The following TNNI3K variants were observed in gnomAD, a reference collection of about 807,000 sequenced individuals.
The protein encoded by TNNI3K is serine/threonine-protein kinase TNNI3K.
TNNI3K carries 140 observed loss-of-function variants against 114.5 expected under a neutral mutation model. That is an observed-to-expected ratio of 1.22 (90% CI 1.07 to 1.41). The LOEUF (loss-of-function observed/expected upper bound fraction) is 1.41, where lower values mean the gene tolerates loss of function less well. Among genes scored for constraint, TNNI3K ranks in the 40% most tolerant of loss-of-function variants. The pLI is 0.00. For synonymous variants in TNNI3K, 347 were observed against 347.5 expected (o/e 1.00, Z 0.02); for missense variants, 1,125 against 1,007.6 (o/e 1.12, Z -1.58).
intron 17 of TNNI3K, among the ~76,000 whole-genome samples, chr1:74,388,443 A>G (rs1170760197): frequency 6.6e-6 from 1 of 152,240 alleles, no homozygotes; most frequent in Non-Finnish European, 1.5e-5. Flanking sequence ...GACAATTCAA[A>G]GAAAGTAATA....
intron 17 of TNNI3K, among the ~76,000 whole-genome samples, chr1:74,407,081 T>C (rs1180928240): frequency 6.6e-6 from 1 of 152,212 alleles, no homozygotes; most frequent in Non-Finnish European, 1.5e-5. Context: ...GATTAACATG[T>C]ATATTTGAAG....
intron 5 of TNNI3K, among the ~76,000 whole-genome samples, chr1:74,284,441 G>T (rs1657203043): frequency 6.6e-6 from 1 of 152,102 alleles, no homozygotes; most frequent in South Asian, 2.1e-4. Flanking sequence ...CTTATCACTT[G>T]TTCATGTACA....
At chr1:74,266,442 A>G (rs2100882650) in intron 4 of TNNI3K, among the ~76,000 whole-genome samples, 1 of 152,108 alleles carries the variant, frequency 6.6e-6, no homozygotes, top group East Asian at 1.9e-4. Flanking sequence ...CTTAGAAAAG[A>G]AACACTCTGC....
chr1:74,398,290 G>C lies in TNNI3K; in HGVS notation c.1772+27898G>C, dbSNP rs140628601. ...TGAGGATGGGAGGTGGATGCTCCTTGATGGAAGAGAAGTAAGCAAACCCAT... is the reference window on the plus strand; with the variant it reads ...TGAGGATGGGAGGTGGATGCTCCTTCATGGAAGAGAAGTAAGCAAACCCAT... On this transcript the variant is annotated intron_variant, in intron 17 of 24. Coordinates refer to ENST00000326637, the MANE Select transcript of TNNI3K (RefSeq NM_015978.3). Among the ~76,000 whole-genome samples, 360 of 152,308 alleles carry C rather than the reference G, an allele frequency of 2.4e-3. 2 individuals carry two copies. The highest frequency in any genetic ancestry group is 8.2e-3 in the African/African-American group (342 of 41,570).
intron 23 of TNNI3K, among the ~76,000 whole-genome samples, chr1:74,513,007 A>T (rs537700514): frequency 1.3e-5 from 2 of 152,296 alleles, no homozygotes; most frequent in South Asian, 2.1e-4. Flanking sequence ...TCTTGATAAG[A>T]CACTTAAAGA....
At chr1:74,437,323 T>G (rs1161245491) in intron 19 of TNNI3K, among the ~76,000 whole-genome samples, 1 of 152,096 alleles carries the variant, frequency 6.6e-6, no homozygotes, top group Non-Finnish European at 1.5e-5. Context: ...TTCTTGTTCA[T>G]TTTTTGCATC....
intron 5 of TNNI3K, among the ~76,000 whole-genome samples, chr1:74,327,620 G>A (rs1167841572): frequency 7.2e-6 from 1 of 139,490 alleles, no homozygotes; most frequent in Admixed American, 7.6e-5. Context: ...TATATTAATA[G>A]TATTATTATA....
intron 9 of TNNI3K, 135 bp downstream of exon 9, chr1:74,343,314 AC>A (rs1660843512): frequency 3.1e-6 from 3 of 963,066 alleles, no homozygotes; most frequent in Non-Finnish European, 4.7e-6. Context: ...AGGGCAGAGG[AC>A]AAAGAGCCAG....
chr1:74,407,435 T>C (rs1168937747), intron 17 of TNNI3K, among the ~76,000 whole-genome samples: 1 of 152,080 alleles, frequency 6.6e-6, no homozygotes, highest in Non-Finnish European at 1.5e-5. Flanking sequence ...AAAATTAAAT[T>C]AGCATTAAAT....
intron 11 of TNNI3K, among the ~76,000 whole-genome samples, chr1:74,364,477 A>G (rs1222230210): frequency 6.6e-6 from 1 of 151,776 alleles, no homozygotes. Context: ...TGCCCCCTCA[A>G]AGATGTTCAG....
At chr1:74,337,320 A>G (rs1178094663) in intron 7 of TNNI3K, among the ~76,000 whole-genome samples, 4 of 151,280 alleles carry the variant, frequency 2.6e-5, no homozygotes, top group Admixed American at 6.6e-5. Flanking sequence ...CTCTGATGGT[A>G]GTTTCTTTTG....
intron 23 of TNNI3K, among the ~76,000 whole-genome samples, chr1:74,495,945 C>T (rs1435812740): frequency 1.3e-5 from 2 of 152,162 alleles, no homozygotes; most frequent in Non-Finnish European, 2.9e-5. Context: ...AGTCAGAGAG[C>T]CCAAGGATAT....
intron 20 of TNNI3K, among the ~76,000 whole-genome samples, chr1:74,451,689 T>TTTCTC (rs1431751183): frequency 1.5e-5 from 1 of 65,342 alleles, no homozygotes; most frequent in African/African-American, 5.9e-5. Context: ...TTTCTTTTCT[T>TTTCTC]TCTTTCTTTC....
chr1:74,512,043 T>G (rs957940610), intron 23 of TNNI3K, among the ~76,000 whole-genome samples: 1 of 152,178 alleles, frequency 6.6e-6, no homozygotes, highest in Non-Finnish European at 1.5e-5. Flanking sequence ...GCAGCTTCCC[T>G]TCCAGTCACT....
At chr1:74,440,200 A>G (rs1666315924) in intron 20 of TNNI3K, among the ~76,000 whole-genome samples, 1 of 152,054 alleles carries the variant, frequency 6.6e-6, no homozygotes, top group African/African-American at 2.4e-5. Flanking sequence ...AGTGAAGGTG[A>G]GGAATCTAAT....
chr1:74,244,527 C>A (rs926363989), intron 2 of TNNI3K, among the ~76,000 whole-genome samples: 1 of 151,240 alleles, frequency 6.6e-6, no homozygotes, highest in South Asian at 2.1e-4. Context: ...AGCAATGGAC[C>A]CTGGCATCTT....
intron 4 of TNNI3K, among the ~76,000 whole-genome samples, chr1:74,270,267 TA>T (rs1314178273): frequency 6.6e-6 from 1 of 151,630 alleles, no homozygotes; most frequent in African/African-American, 2.4e-5. Context: ...TAAAGATTGC[TA>T]AAGAAATGAG....
At chr1:74,371,568 A>C (rs774344257) in intron 17 of TNNI3K, 1 of 151,844 alleles carries the variant, frequency 6.6e-6, no homozygotes, top group Non-Finnish European at 1.5e-5. Flanking sequence ...TAGGGAAGAC[A>C]TAATAAAATG....
At chr1:74,357,453 A>G (rs982857630) in intron 11 of TNNI3K, among the ~76,000 whole-genome samples, 1 of 152,168 alleles carries the variant, frequency 6.6e-6, no homozygotes, top group Admixed American at 6.6e-5. Flanking sequence ...ACCTGACCCA[A>G]GCTAAATTTT....
Sources: allele counts gnomAD v4.1 joint callset (sites outside exome capture counted in the v4.1 genomes callset), GRCh38; gene constraint gnomAD v4.1.1; transcripts MANE v1.5; gene names NCBI Gene and HGNC (gene_info 2026-07-23, HGNC 2026-07-21).